ABCG2: variants seen among roughly 807,000 people sequenced by gnomAD.
ABCG2 encodes broad substrate specificity ATP-binding cassette transporter ABCG2.
A neutral mutation model predicts 73.5 loss-of-function variants in ABCG2; 80 were observed. The ratio of observed to expected loss-of-function variants is 1.09; its 90% CI spans 0.91 to 1.31. The LOEUF (loss-of-function observed/expected upper bound fraction) is 1.31. Ranked by LOEUF, ABCG2 falls within the 50% of genes most tolerant of loss-of-function variation. The pLI is 0.00. For synonymous variants in ABCG2, 269 were observed against 282.4 expected (o/e 0.95, Z 0.48); for missense variants, 796 against 786.2 (o/e 1.01, Z -0.15).
chr4:88,177,555 G>C (rs1560739335), intron 1 of ABCG2, among the ~76,000 whole-genome samples: 2 of 152,058 alleles, frequency 1.3e-5, no homozygotes, highest in Non-Finnish European at 1.5e-5. Context: ...CCTCCCCACG[G>C]GAACACCAAA....
Position 88,211,366 on chromosome 4 carries a change from C to A in ABCG2, c.-20+19628G>T, listed in dbSNP as rs905318369. Among the ~76,000 whole-genome samples, 132 of 125,262 alleles carry A rather than the reference C, an allele frequency of 1.1e-3. 9 individuals are homozygous for A. The highest frequency in any genetic ancestry group is 3.6e-3 in the African/African-American group (129 of 35,626). 82.2% of individuals were successfully genotyped at this position (125,262 alleles called of 152,430 possible). On this transcript the variant is annotated intron_variant, in intron 1 of 15. Transcript: ENST00000515655. ...GTAATTGTTCAACCCCTGCCCCACC[C>A]CCCCCCACTTTTGGAGACCCCAGTG...
intron 1 of ABCG2, among the ~76,000 whole-genome samples, chr4:88,223,082 A>G (rs1436511993): frequency 3.3e-5 from 5 of 152,246 alleles, no homozygotes; most frequent in African/African-American, 4.8e-5. Context: ...TATTTGCCCA[A>G]TGCCATTACC....
In ABCG2 at chr4:88,139,799, T is replaced by A. The variant is rs746978396; in HGVS notation, c.197A>T (p.Asn66Ile). 5.0e-6 allele frequency: 8 copies of A among 1,613,074 alleles called. No individual in the cohort carries two copies. The highest frequency in any genetic ancestry group is 6.8e-6 in the Non-Finnish European group (8 of 1,179,344). ...TACAAGTTCATGTACATACTTGATA[T>A]TCGATAATATTTCTTTCTCAACTGG... ...RKPVEKEILS[N>I]INGIMKPGLN... is the part of the protein sequence containing the mutation. Residue 66 changes from asparagine (N) to isoleucine (I), a missense_variant, in exon 2 of 16, where the codon AAT becomes ATT. Transcript: ENST00000237612.
At chr4:88,102,364 G>A (rs1038449684) in intron 10 of ABCG2, among the ~76,000 whole-genome samples, 5 of 152,238 alleles carry the variant, frequency 3.3e-5, no homozygotes, top group East Asian at 1.9e-4. Flanking sequence ...ATGGGAGGCC[G>A]GGTCGGGAGG....
chr4:88,107,947 A>G (rs1467319049), intron 9 of ABCG2, among the ~76,000 whole-genome samples: 1 of 152,140 alleles, frequency 6.6e-6, no homozygotes, highest in Non-Finnish European at 1.5e-5. Context: ...GCATGCTTCC[A>G]CTACCCATCT....
At chr4:88,128,744 T>G (rs543893555) in intron 5 of ABCG2, among the ~76,000 whole-genome samples, 1 of 151,390 alleles carries the variant, frequency 6.6e-6, no homozygotes, top group Admixed American at 6.6e-5. Flanking sequence ...ACACAGGGAG[T>G]GGAACATCAC....
intron 5 of ABCG2, among the ~76,000 whole-genome samples, chr4:88,128,470 C>T (rs947130350): frequency 6.6e-6 from 1 of 152,108 alleles, no homozygotes; most frequent in Admixed American, 6.5e-5. Context: ...GACACATGCA[C>T]ACATGTATTT....
chr4:88,156,469 A>G (rs182631048), intron 1 of ABCG2, among the ~76,000 whole-genome samples: 4 of 152,248 alleles, frequency 2.6e-5, no homozygotes, highest in Admixed American at 2.0e-4. Flanking sequence ...GGTGAAAGCC[A>G]GAACAATTTG....
Position 88,099,406 on chromosome 4 carries a change from G to A in ABCG2, c.1410C>T (p.Phe470=). 1 of 1,611,668 alleles carries A rather than the reference G, an allele frequency of 6.2e-7. No homozygotes were observed. The highest frequency in any genetic ancestry group is 8.5e-7 in the Non-Finnish European group (1 of 1,178,898). The change falls in exon 12 of 16, where the codon TTC becomes TTT. Residue 470 remains phenylalanine, a synonymous_variant. Transcript: ENST00000237612. The part of the protein sequence containing the change: ...ISGYYRVSSY[F]LGKLLSDLLP... The stretch of plus-strand genomic sequence containing the variant: ...ATAAATCAGATAACAGTTTTCCAAG[G>A]AAATAAGATGACACTCTGTAGTATC...
intron 5 of ABCG2, among the ~76,000 whole-genome samples, chr4:88,129,400 T>C (rs1050671988): frequency 6.6e-6 from 1 of 152,208 alleles, no homozygotes. Context: ...ATTGCTTCAA[T>C]TATTTAGATA....
upstream of ABCG2, chr4:88,163,713 A>C: frequency 2.5e-6 from 1 of 398,508 alleles, no homozygotes; most frequent in Non-Finnish European, 5.0e-6. Context: ...TCCCTGGGGC[A>C]CTCAGAGAGA....
At chr4:88,147,016 G>A (rs907872456) in intron 1 of ABCG2, among the ~76,000 whole-genome samples, 4 of 125,158 alleles carry the variant, frequency 3.2e-5, no homozygotes, top group Non-Finnish European at 3.3e-5. Context: ...AGAAAGAAAA[G>A]GAAAGAAAGA....
At chr4:88,152,811 A>G (rs1726604578) in intron 1 of ABCG2, among the ~76,000 whole-genome samples, 1 of 152,070 alleles carries the variant, frequency 6.6e-6, no homozygotes, top group Non-Finnish European at 1.5e-5. Flanking sequence ...GGGGGGTGGT[A>G]TGGAGAGAGA....
chr4:88,090,266 G>A (rs1721568053), downstream of ABCG2: 1 of 151,396 alleles, frequency 6.6e-6, no homozygotes. Context: ...ACATAAAATA[G>A]GATATAATTA....
intron 2 of ABCG2, among the ~76,000 whole-genome samples, chr4:88,136,944 G>A (rs183555392): frequency 2.8e-5 from 4 of 140,604 alleles, no homozygotes; most frequent in East Asian, 2.2e-4. Flanking sequence ...CCCAGGAGCC[G>A]GAAGTTGCAG....
chr4:88,096,405 A>G (rs1432598275), intron 13 of ABCG2, among the ~76,000 whole-genome samples: 2 of 152,248 alleles, frequency 1.3e-5, no homozygotes, highest in African/African-American at 4.8e-5. Flanking sequence ...ATACAGTTTT[A>G]TGACTAGTTT....
chr4:88,131,471 A>G (rs1479204494), intron 4 of ABCG2, among the ~76,000 whole-genome samples: 3 of 152,208 alleles, frequency 2.0e-5, no homozygotes, highest in Non-Finnish European at 4.4e-5. Context: ...GACATTTCCA[A>G]ACTGCTTCAT....
intron 1 of ABCG2, among the ~76,000 whole-genome samples, chr4:88,177,139 G>A (rs1051164991): frequency 2.0e-5 from 3 of 152,174 alleles, no homozygotes; most frequent in Admixed American, 2.0e-4. Flanking sequence ...TTGGGAGGCC[G>A]AGGTGGGCGG....
chr4:88,098,344 G>A lies in ABCG2; in HGVS notation c.1493-737C>T, dbSNP rs140216215. Among the ~76,000 whole-genome samples the A allele has an allele frequency of 6.6e-3, 1,010 of 152,136 alleles. 6 individuals carry two copies. The highest frequency in any genetic ancestry group is 9.9e-3 in the Non-Finnish European group (674 of 68,010). ...TTCCGGGGGTTTTGTGTGTGTGCATGTGTTTATCAGTGAAATATATGGAAA... is the reference window on the plus strand; with the variant it reads ...TTCCGGGGGTTTTGTGTGTGTGCATATGTTTATCAGTGAAATATATGGAAA... On this transcript the variant is annotated intron_variant, in intron 12 of 15. Transcript: ENST00000237612.
Sources: allele counts gnomAD v4.1 joint callset (sites outside exome capture counted in the v4.1 genomes callset), GRCh38; gene constraint gnomAD v4.1.1; transcripts MANE v1.5; gene names NCBI Gene and HGNC (gene_info 2026-07-23, HGNC 2026-07-21).